The following ADAM12 variants were observed in gnomAD, a reference collection of about 807,000 sequenced individuals.
ADAM12 encodes disintegrin and metalloproteinase domain-containing protein 12.
In ADAM12, 70 loss-of-function variants were observed where a neutral mutation model predicts 106.4. The ratio of observed to expected loss-of-function variants is 0.66; its 90% CI spans 0.54 to 0.80. The LOEUF is 0.80. ADAM12 is among the 30% of genes least tolerant of loss of function. The pLI, the probability that ADAM12 is intolerant of heterozygous loss-of-function variation, is 0.00. For missense variants in ADAM12, 1,010 were observed against 1,171.9 expected, an observed-to-expected ratio of 0.86 and a Z score of 2.02; for synonymous variants, 420 against 433.5, an observed-to-expected ratio of 0.97 and a Z score of 0.39.
intron 21 of ADAM12, among the ~76,000 whole-genome samples, chr10:126,020,071 G>A (rs1047379450): frequency 6.6e-6 from 1 of 152,220 alleles, no homozygotes; most frequent in African/African-American, 2.4e-5. Flanking sequence ...GGGCCCTGGG[G>A]TAGCGTTGAT....
At chr10:126,224,207 T>C (rs1184588959) in intron 3 of ADAM12, among the ~76,000 whole-genome samples, 1 of 152,134 alleles carries the variant, frequency 6.6e-6, no homozygotes, top group East Asian at 1.9e-4. Context: ...CCCCTCCTCC[T>C]GTCCTTCCCT....
At chr10:126,109,606 A>G (rs1955832772) in intron 7 of ADAM12, among the ~76,000 whole-genome samples, 169 bp downstream of exon 7, 1 of 152,208 alleles carries the variant, frequency 6.6e-6, no homozygotes, top group African/African-American at 2.4e-5. Context: ...AATTTTTAAT[A>G]TTGTATGCTT....
At chr10:126,319,258 T>G (rs1854008526) in intron 2 of ADAM12, among the ~76,000 whole-genome samples, 1 of 152,088 alleles carries the variant, frequency 6.6e-6, no homozygotes, top group African/African-American at 2.4e-5. Context: ...AAGTATGGGA[T>G]GCGCACAGTG....
At position 126,190,989 on chromosome 10, in the gene ADAM12, C is replaced by CTTTTTTTTTTTTTTTTTTTTTTTTT. The variant is rs1957488604; in HGVS notation, c.261-35685_261-35684insAAAAAAAAAAAAAAAAAAAAAAAAA. ...TTTGAGTTGCCATGAGGAGTTTTGTCCTTTTTTTTTTTTTTTTTTTTTTTT... is the reference window on the plus strand; with the variant it reads ...TTTGAGTTGCCATGAGGAGTTTTGTCTTTTTTTTTTTTTTTTTTTTTTTTTCTTTTTTTTTTTTTTTTTTTTTTTT... On this transcript the variant is annotated intron_variant, in intron 3 of 22. Transcript: ENST00000448723. Among the ~76,000 whole-genome samples, 10 of 68,710 alleles carry CTTTTTTTTTTTTTTTTTTTTTTTTT rather than the reference C, an allele frequency of 1.5e-4. 5 individuals are homozygous for CTTTTTTTTTTTTTTTTTTTTTTTTT. The highest frequency in any genetic ancestry group is 1.6e-4 in the Non-Finnish European group (4 of 25,142). 45.1% of individuals were successfully genotyped at this position (68,710 alleles called of 152,430 possible). A position where few individuals can be genotyped will look rare whatever the true frequency, so the allele number is the denominator to read the frequency against.
At chr10:126,302,426 T>C (rs1352380677) in intron 2 of ADAM12, among the ~76,000 whole-genome samples, 1 of 152,226 alleles carries the variant, frequency 6.6e-6, no homozygotes, top group African/African-American at 2.4e-5. Context: ...TGGTCTTTTA[T>C]TATACGATAC....
chr10:126,038,184 T>C (rs1954092066), intron 20 of ADAM12, 57 bp downstream of exon 20: 1 of 1,448,210 alleles, frequency 6.9e-7, no homozygotes, highest in Admixed American at 1.9e-5. Flanking sequence ...CAGTCTCGTA[T>C]TGAAAACCTC....
chr10:126,272,872 C>G lies in ADAM12; in HGVS notation c.260+6043G>C. 5.5e-6 allele frequency: 2 copies of G among 364,126 alleles called. 1 individual carries two copies. Among genetic ancestry groups the G allele is most frequent in the South Asian group, 4.9e-5 (2 of 40,640 alleles). 22.6% of individuals were successfully genotyped at this position (364,126 alleles called of 1,614,324 possible). A position where few individuals can be genotyped will look rare whatever the true frequency, so the allele number is the denominator to read the frequency against. ...TGGCTTCTACAGTGTGCTCCAGTTT[C>G]TAGGACTCTACAAGAAATCTAGAAA... is the stretch of plus-strand genomic sequence containing the variant. On this transcript the variant is annotated intron_variant, in intron 3 of 22. Coordinates refer to ENST00000448723, the MANE Select transcript of ADAM12 (RefSeq NM_001288973.2).
intron 3 of ADAM12, among the ~76,000 whole-genome samples, chr10:126,186,295 C>T (rs937295316): frequency 6.6e-6 from 1 of 152,124 alleles, no homozygotes; most frequent in African/African-American, 2.4e-5. Flanking sequence ...GACCATTTAG[C>T]CAATAAGGAA....
chr10:126,290,316 T>C (rs1477660052), intron 2 of ADAM12, among the ~76,000 whole-genome samples: 1 of 152,224 alleles, frequency 6.6e-6, no homozygotes, highest in Non-Finnish European at 1.5e-5. Context: ...CACTTTGTTT[T>C]TAACCTGGTG....
chr10:126,025,971 C>T (rs948412850), intron 21 of ADAM12, among the ~76,000 whole-genome samples: 5 of 152,174 alleles, frequency 3.3e-5, no homozygotes, highest in Non-Finnish European at 7.3e-5. Context: ...AGTGGAAACC[C>T]AATAAGCTAG....
chr10:126,356,275 A>T (rs1855536103), intron 1 of ADAM12, among the ~76,000 whole-genome samples: 1 of 152,182 alleles, frequency 6.6e-6, no homozygotes, highest in South Asian at 2.1e-4. Context: ...AGCCCAGCCC[A>T]ATCAGAGGAA....
At chr10:126,224,573 G>T (rs868118084) in intron 3 of ADAM12, among the ~76,000 whole-genome samples, 27 of 152,322 alleles carry the variant, frequency 1.8e-4, no homozygotes, top group Middle Eastern at 3.4e-3. Context: ...GTGGCGGTGG[G>T]GGCGTTGCAC....
At position 126,388,098 on chromosome 10, in the gene ADAM12, G is replaced by A; in HGVS notation, c.48C>T (p.Leu16=). The change falls in exon 1 of 23, where the codon CTC becomes CTT. Residue 16 remains leucine, a synonymous_variant. Coordinates refer to ENST00000448723, the MANE Select transcript of ADAM12 (RefSeq NM_001288973.2). The surrounding 1 kb of genome is among the most constrained non-coding windows in gnomAD (Gnocchi z 4.4). ...LPVSPARALL[L]ALAGALLAPC... is the part of the protein sequence containing the mutation. ...GCGCGAGCAGAGCACCGGCCAGGGC[G>A]AGCAGGAGGGCGCGGGCGGGGGACA... The A allele has an allele frequency of 8.1e-7, 1 of 1,234,058 alleles. No homozygotes were observed. The allele number at this position is 1,234,058 out of a possible 1,614,324, so 76.4% of individuals were successfully genotyped here.
chr10:126,158,579 C>T (rs1215327246), intron 3 of ADAM12, among the ~76,000 whole-genome samples: 1 of 64,426 alleles, frequency 1.6e-5, no homozygotes, highest in Non-Finnish European at 3.0e-5. Flanking sequence ...TGCACAGAGC[C>T]GGGGGTGGGG....
At chr10:126,103,247 C>T (rs139985415) in intron 8 of ADAM12, among the ~76,000 whole-genome samples, 30 of 152,296 alleles carry the variant, frequency 2.0e-4, no homozygotes, top group African/African-American at 6.0e-4. Context: ...ACAACCTCCC[C>T]TCTCCAAAAT....
chr10:126,170,219 T>C (rs375415290), intron 3 of ADAM12, among the ~76,000 whole-genome samples: 19 of 152,262 alleles, frequency 1.2e-4, no homozygotes, highest in Middle Eastern at 3.4e-3. Flanking sequence ...AGATCAAATT[T>C]GCTCCTCTCT....
rs530999410 is a variant in ADAM12 at position 126,277,571 on chromosome 10, C to T, written c.260+1344G>A. Among the ~76,000 whole-genome samples the T allele has an allele frequency of 8.7e-4, 132 of 152,144 alleles. 1 individual carries two copies. The highest frequency in any genetic ancestry group is 3.4e-3 in the Middle Eastern group (1 of 294). On this transcript the variant is annotated intron_variant, in intron 3 of 22. Coordinates refer to ENST00000448723, the MANE Select transcript of ADAM12 (RefSeq NM_001288973.2). ...AAAATGTACAAAAATGTGTGCCCCT[C>T]GATATTCTTATGTAAAGAAATAGAG...
chr10:126,224,810 T>C (rs1341387073), intron 3 of ADAM12, among the ~76,000 whole-genome samples: 1 of 152,170 alleles, frequency 6.6e-6, no homozygotes, highest in Non-Finnish European at 1.5e-5. Context: ...GAGGGGCGTG[T>C]CTGGAGGCAC....
chr10:126,045,975 T>G, intron 17 of ADAM12, 80 bp downstream of exon 17: 1 of 1,314,146 alleles, frequency 7.6e-7, no homozygotes, highest in South Asian at 1.2e-5. Context: ...TGCTATGGAT[T>G]GCAAAACCTT....
Sources: allele counts gnomAD v4.1 joint callset (sites outside exome capture counted in the v4.1 genomes callset), GRCh38; gene constraint gnomAD v4.1.1; non-coding constraint Gnocchi (gnomAD v3.1); transcripts MANE v1.5; gene names NCBI Gene and HGNC (gene_info 2026-07-23, HGNC 2026-07-21).